ZFP28: variants seen among roughly 807,000 people sequenced by gnomAD.
ZFP28 encodes zinc finger protein 28 homolog.
ZFP28 carries 31 observed loss-of-function variants against 39.5 expected under a neutral mutation model. The ratio of observed to expected loss-of-function variants is 0.79; its 90% CI spans 0.59 to 1.06. The LOEUF (loss-of-function observed/expected upper bound fraction) is 1.06, where lower values mean the gene tolerates loss of function less well. ZFP28 is among the 50% of genes least tolerant of loss of function. The probability of loss-of-function intolerance (pLI) is 0.00; values close to 1 mark genes in which losing one functional copy is unlikely to be tolerated. For synonymous variants in ZFP28, 400 were observed against 378.6 expected, an observed-to-expected ratio of 1.06 and a Z score of -0.66; for missense variants, 925 against 1,048.4, an observed-to-expected ratio of 0.88 and a Z score of 1.63.
In ZFP28 at chr19:56,553,853, A is replaced by T; in HGVS notation, c.1068A>T (p.Gln356His). ...AGCTTGCAGTAGGTCAAGAGACACAATTCAGGCAAGAGCCAATTACTCATA... is the reference window on the plus strand; with the variant it reads ...AGCTTGCAGTAGGTCAAGAGACACATTTCAGGCAAGAGCCAATTACTCATA... Reference protein sequence around the residue: ...GRKLAVGQETQFRQEPITHNK... With the variant: ...GRKLAVGQETHFRQEPITHNK... Residue 356 changes from glutamine to histidine, a missense_variant, in exon 8 of 8, where the codon CAA becomes CAT. Around this residue, in one of 2 missense-constraint regions of ZFP28, gnomAD observed 556 missense variants for 542.9 expected, o/e 1.02. Coordinates refer to ENST00000301318, the MANE Select transcript of ZFP28 (RefSeq NM_020828.2). The T allele has an allele frequency of 6.2e-7, 1 of 1,614,176 alleles. No homozygotes were observed. Among genetic ancestry groups the T allele is most frequent in the Non-Finnish European group, 8.5e-7 (1 of 1,180,022 alleles).
At chr19:56,538,793 G>A (rs1275112124), upstream of ZFP28, among the ~76,000 whole-genome samples, 1 of 39,070 alleles carries the variant, frequency 2.6e-5, no homozygotes, top group Non-Finnish European at 5.4e-5. Flanking sequence ...GGGGCGGGGC[G>A]GGGCGGGGCG....
chr19:56,542,646 G>A (rs2044205712), intron 2 of ZFP28, among the ~76,000 whole-genome samples: 3 of 152,190 alleles, frequency 2.0e-5, no homozygotes, highest in Admixed American at 6.5e-5. Flanking sequence ...AAAATATTTG[G>A]TGGATGAATG....
upstream of ZFP28, chr19:56,538,676 C>T (rs1270594461): frequency 2.0e-5 from 3 of 151,790 alleles, no homozygotes; most frequent in African/African-American, 7.3e-5. Flanking sequence ...TGGGACTACG[C>T]TTCCCAGCGG....
At position 56,555,406 on chromosome 19, in the gene ZFP28, T is replaced by C. The variant is rs1414513273; in HGVS notation, c.*14T>C. Reference sequence around the variant, plus strand: ...CCATCACCATAGCCTCGAGACGTCATTTCTGTTTGACTACTCCAGCAGTTT... The same window carrying C: ...CCATCACCATAGCCTCGAGACGTCACTTCTGTTTGACTACTCCAGCAGTTT... On this transcript the variant is annotated 3_prime_UTR_variant, in exon 8 of 8. Transcript: ENST00000301318. 1 of 1,584,968 alleles carries C rather than the reference T, an allele frequency of 6.3e-7. No individual in the cohort carries two copies. Among genetic ancestry groups the C allele is most frequent in the East Asian group, 2.2e-5 (1 of 44,666 alleles).
In ZFP28 at chr19:56,553,724, G is replaced by C; in HGVS notation, c.939G>C (p.Lys313Asn). 1 of 1,612,570 alleles carries C rather than the reference G, an allele frequency of 6.2e-7. No individual in the cohort carries two copies. The highest frequency in any genetic ancestry group is 8.5e-7 in the Non-Finnish European group (1 of 1,179,470). ...SVHETQELFPKQDSYAEGVTD... is the reference protein window; with the variant it reads ...SVHETQELFPNQDSYAEGVTD... Reference sequence around the variant, plus strand: ...ATGAGACCCAGGAATTATTTCCAAAGCAAGATTCATATGCTGAAGGGGTAA... The same window carrying C: ...ATGAGACCCAGGAATTATTTCCAAACCAAGATTCATATGCTGAAGGGGTAA... Residue 313 changes from lysine (K) to asparagine (N), a missense_variant, in exon 8 of 8, where the codon AAG becomes AAC. This residue lies in a region of ZFP28 where 556 missense variants were observed against 542.9 expected (regional missense o/e 1.02). Transcript: ENST00000301318.
In ZFP28 at chr19:56,554,233, A is replaced by G. The variant is rs1568488493; in HGVS notation, c.1448A>G (p.Lys483Arg). 6.2e-7 allele frequency: 1 copy of G among 1,614,180 alleles called. No homozygotes were observed. The highest frequency in any genetic ancestry group is 1.3e-5 in the African/African-American group (1 of 75,038). ...CCCTATGAGTGCATTGAGTGTGGGAAAGCTTTCATACAGAACACATCCCTT... is the reference window on the plus strand; with the variant it reads ...CCCTATGAGTGCATTGAGTGTGGGAGAGCTTTCATACAGAACACATCCCTT... The part of the protein sequence containing the change: ...KKPYECIECG[K>R]AFIQNTSLIR... Residue 483 changes from lysine to arginine, a missense_variant, in exon 8 of 8, where the codon AAA (lysine) becomes AGA (arginine). Lys to Arg is a conservative substitution (Grantham distance 26). Coordinates refer to ENST00000301318, the MANE Select transcript of ZFP28 (RefSeq NM_020828.2). This position sits in a 1 kb window ranked among gnomAD's most constrained non-coding sequence, Gnocchi z 6.7.
At chr19:56,542,596 G>A (rs2044205302) in intron 2 of ZFP28, among the ~76,000 whole-genome samples, 1 of 152,162 alleles carries the variant, frequency 6.6e-6, no homozygotes, top group Non-Finnish European at 1.5e-5. Context: ...TTACTTCATA[G>A]GCAAGGATTT....
chr19:56,550,004 C>T, intron 5 of ZFP28, 63 bp from the exon 6 acceptor site: 1 of 1,372,372 alleles, frequency 7.3e-7, no homozygotes, highest in Non-Finnish European at 1.0e-6. Context: ...CAGTCCATCC[C>T]ACTGAGACCA....
chr19:56,547,160 C>T lies in ZFP28; in HGVS notation c.301-348C>T. On this transcript the variant is annotated intron_variant, in intron 2 of 7. Transcript: ENST00000301318. The surrounding 1 kb of genome is among the most constrained non-coding windows in gnomAD (Gnocchi z 4.6). ...AGGCTGGAAGTCCAAGATCAAGGTGCCTGCAGGTTTGGTTTCACCTGAGGC... is the reference window on the plus strand; with the variant it reads ...AGGCTGGAAGTCCAAGATCAAGGTGTCTGCAGGTTTGGTTTCACCTGAGGC... 4.6e-6 allele frequency: 1 copy of T among 218,270 alleles called. No individual in the cohort carries two copies. The allele number at this position is 218,270 out of a possible 1,614,324, so 13.5% of individuals were successfully genotyped here.
chr19:56,540,915 C>T (rs1340075814), intron 2 of ZFP28, among the ~76,000 whole-genome samples: 1 of 105,946 alleles, frequency 9.4e-6, no homozygotes, highest in African/African-American at 4.9e-5. Context: ...TGCCACAGTT[C>T]TTACCTCCGT....
In ZFP28 at chr19:56,554,884, C is replaced by T. The variant is rs1183901600; in HGVS notation, c.2099C>T (p.Pro700Leu). The change falls in exon 8 of 8, where the codon CCC becomes CTC. Residue 700 changes from proline (P) to leucine (L), a missense_variant. By Grantham distance (98) the Pro-to-Leu change is moderately conservative (BLOSUM62 -3). Coordinates refer to ENST00000301318, the MANE Select transcript of ZFP28 (RefSeq NM_020828.2). This position sits in a 1 kb window ranked among gnomAD's most constrained non-coding sequence, Gnocchi z 6.7. ...QHQRVHTGEKPYKCMECGKAF... is the reference protein window; with the variant it reads ...QHQRVHTGEKLYKCMECGKAF... ...CAGAGAGTTCACACTGGTGAGAAAC[C>T]CTATAAATGTATGGAATGTGGGAAG... is the stretch of plus-strand genomic sequence containing the variant. The T allele has an allele frequency of 1.9e-6, 3 of 1,613,996 alleles. No individual in the cohort carries two copies. The highest frequency in any genetic ancestry group is 2.2e-5 in the East Asian group (1 of 44,886).
rs1338703919 is a variant in ZFP28 at position 56,539,022 on chromosome 19, C to T, written c.4C>T (p.Arg2Trp). M[R>W]GAASASVREP... ...GCGTCGCGCGGCCTCGGGTGACATG[C>T]GGGGGGCGGCGAGCGCGAGTGTCCG... The change falls in exon 1 of 8, where the codon CGG becomes TGG. Residue 2 changes from arginine to tryptophan, a missense_variant. Arg to Trp is a moderately radical substitution (Grantham distance 101, BLOSUM62 -3). This residue lies in a region of ZFP28 where 556 missense variants were observed against 542.9 expected (regional missense o/e 1.02). Transcript: ENST00000301318. 5 of 1,272,586 alleles carry T rather than the reference C, an allele frequency of 3.9e-6. No homozygotes were observed. The highest frequency in any genetic ancestry group is 3.2e-5 in the African/African-American group (2 of 61,630). 78.8% of individuals were successfully genotyped at this position (1,272,586 alleles called of 1,614,324 possible).
chr19:56,551,112 A>G, intron 7 of ZFP28: 1 of 1,028,894 alleles, frequency 9.7e-7, no homozygotes. Context: ...GCTTGCATGA[A>G]GTAGAGTTTG....
intron 5 of ZFP28, 112 bp from the exon 6 acceptor site, chr19:56,549,955 C>A: frequency 1.4e-6 from 1 of 706,346 alleles, no homozygotes; most frequent in Non-Finnish European, 2.4e-6. Context: ...ACTTAAGTTG[C>A]AGTTCTTGGT....
At chr19:56,541,877 A>ATTTT (rs11297964) in intron 2 of ZFP28, among the ~76,000 whole-genome samples, 5 of 61,346 alleles carry the variant, frequency 8.2e-5, no homozygotes, top group Non-Finnish European at 1.1e-4. Flanking sequence ...CACCTGGCTA[A>ATTTT]TTTTTTTTTT....
chr19:56,544,951 A>G (rs547729912), intron 2 of ZFP28, among the ~76,000 whole-genome samples: 4 of 152,360 alleles, frequency 2.6e-5, no homozygotes, highest in African/African-American at 9.6e-5. Context: ...CCACTGGTAC[A>G]AAAGCAGATC....
At chr19:56,551,932 G>A in intron 7 of ZFP28, 1 of 981,252 alleles carries the variant, frequency 1.0e-6, no homozygotes, top group African/African-American at 1.7e-5. Context: ...GGCAATAAGA[G>A]TTTTAATTTT....
chr19:56,548,724 A>G (rs1324840259), intron 4 of ZFP28, among the ~76,000 whole-genome samples: 1 of 152,224 alleles, frequency 6.6e-6, no homozygotes. Context: ...TTAGGTGGGA[A>G]AGGTCTTATT....
rs1055694400 is a variant in ZFP28, at chr19:56,548,969, G to A, written c.535G>A (p.Val179Met). ...TTTACGTCTTTCAGACTTGAAGGCT[G>A]TGTGGAAGATCAAGGAGTTACCTCT... is the stretch of plus-strand genomic sequence containing the variant. ...TRAWCPDLKAVWKIKELPLKK... is the reference protein window; with the variant it reads ...TRAWCPDLKAMWKIKELPLKK... The change falls in exon 5 of 8, where the codon GTG becomes ATG. Residue 179 changes from valine to methionine, a missense_variant. Around this residue, in one of 2 missense-constraint regions of ZFP28, gnomAD observed 556 missense variants for 542.9 expected, o/e 1.02. Transcript: ENST00000301318. The A allele has an allele frequency of 1.9e-6, 3 of 1,613,314 alleles. No individual in the cohort carries two copies. The Admixed American group carries it at 5.0e-5, about 27-fold the overall frequency.
Sources: gnomAD v4.1 joint callset for allele counts (sites outside exome capture counted in the v4.1 genomes callset) on GRCh38, gnomAD v4.1.1 for gene constraint, gnomAD v4.1.1 regional missense constraint, Gnocchi (gnomAD v3.1) non-coding constraint, MANE v1.5 for transcripts, NCBI Gene and HGNC (gene_info 2026-07-23, HGNC 2026-07-21) for gene names.